Variants in KSR2 observed in about 807,000 individuals in gnomAD.
KSR2 encodes the protein kinase suppressor of ras 2.
KSR2 carries 25 observed loss-of-function variants against 107.8 expected under a neutral mutation model. The ratio of observed to expected loss-of-function variants is 0.23; its 90% CI spans 0.17 to 0.32. KSR2 has a LOEUF of 0.32. Ranked by LOEUF, KSR2 falls within the 10% of genes least tolerant of loss-of-function variation. The pLI is 1.00. For missense variants in KSR2, 887 were observed against 1,268.9 expected (o/e 0.70, Z 4.57); for synonymous variants, 480 against 507.0 (o/e 0.95, Z 0.71).
rs576529468 is a variant in KSR2 at position 117,454,034 on chromosome 12, G to C, written c.*13165C>G. ...AGGACACAAATATCTAAATAAATGG[G>C]TAACACCCACCACCTCGCTATTCTA... On this transcript the variant is annotated 3_prime_UTR_variant, in exon 20 of 20. Transcript: ENST00000339824. 3.5e-4 allele frequency: 54 copies of C among 152,210 alleles called. No homozygotes were observed. The highest frequency in any genetic ancestry group is 1.3e-3 in the African/African-American group (53 of 41,522). 9.4% of individuals were successfully genotyped at this position (152,210 alleles called of 1,614,324 possible). A position where few individuals can be genotyped will look rare whatever the true frequency, so the allele number is the denominator to read the frequency against.
intron 1 of KSR2, among the ~76,000 whole-genome samples, chr12:117,928,370 G>T (rs1273892304): frequency 1.3e-5 from 2 of 152,006 alleles, no homozygotes; most frequent in African/African-American, 4.8e-5. Flanking sequence ...TTTTAGTAGA[G>T]ATGAGGTTTC....
At position 117,667,662 on chromosome 12, in the gene KSR2, A is replaced by G; in HGVS notation, c.987-4T>C. ...GGGTTTGCTCTTCTTCTTGGCTCTGAAAGGGAGACAGAAAAAGAGGAAAAG... is the reference window on the plus strand; with the variant it reads ...GGGTTTGCTCTTCTTCTTGGCTCTGGAAGGGAGACAGAAAAAGAGGAAAAG... On this transcript the variant is annotated splice_region_variant and splice_polypyrimidine_tract_variant and intron_variant, in intron 4 of 19. Transcript: ENST00000339824. 1 of 1,562,404 alleles carries G rather than the reference A, an allele frequency of 6.4e-7. No individual in the cohort carries two copies. Among genetic ancestry groups the G allele is most frequent in the Non-Finnish European group, 8.6e-7 (1 of 1,157,608 alleles).
intron 4 of KSR2, among the ~76,000 whole-genome samples, chr12:117,747,564 A>G (rs1888456409): frequency 6.6e-6 from 1 of 152,046 alleles, no homozygotes; most frequent in Non-Finnish European, 1.5e-5. Context: ...ACAAACCTAC[A>G]CATTCTGCAC....
chr12:117,836,168 C>T (rs1210062275), intron 3 of KSR2, among the ~76,000 whole-genome samples: 9 of 152,120 alleles, frequency 5.9e-5, no homozygotes, highest in Non-Finnish European at 7.3e-5. Flanking sequence ...GGGGTCAGAA[C>T]ACTGTCTTCC....
intron 9 of KSR2, among the ~76,000 whole-genome samples, chr12:117,545,726 G>A (rs542929076): frequency 7.6e-4 from 115 of 152,070 alleles, no homozygotes; most frequent in African/African-American, 2.6e-3. Context: ...TATTTTTCCT[G>A]CCTTCCTGTG....
At chr12:117,480,404 C>G (rs1021823338) in intron 16 of KSR2, among the ~76,000 whole-genome samples, 1 of 152,088 alleles carries the variant, frequency 6.6e-6, no homozygotes, top group African/African-American at 2.4e-5. Context: ...ATGGGCCCAC[C>G]GATGACAAAC....
At chr12:117,664,354 C>T (rs1290927550) in intron 5 of KSR2, among the ~76,000 whole-genome samples, 1 of 152,176 alleles carries the variant, frequency 6.6e-6, no homozygotes, top group Non-Finnish European at 1.5e-5. Context: ...ACAGTGCAGA[C>T]CAGAGCCAGA....
chr12:117,593,144 C>T (rs1439523182), intron 5 of KSR2, among the ~76,000 whole-genome samples: 1 of 152,140 alleles, frequency 6.6e-6, no homozygotes, highest in Non-Finnish European at 1.5e-5. Flanking sequence ...GCCATCTCAA[C>T]CCACATAGAT....
At chr12:117,618,206 A>G (rs990809768) in intron 5 of KSR2, among the ~76,000 whole-genome samples, 1 of 152,156 alleles carries the variant, frequency 6.6e-6, no homozygotes, top group African/African-American at 2.4e-5. Flanking sequence ...TCAAGGATTG[A>G]GCAGATTTGA....
At chr12:117,879,843 G>T (rs535996124) in intron 1 of KSR2, among the ~76,000 whole-genome samples, 1 of 152,232 alleles carries the variant, frequency 6.6e-6, no homozygotes, top group Non-Finnish European at 1.5e-5. Context: ...ATACCTGATT[G>T]CTGGATTTTG....
intron 5 of KSR2, among the ~76,000 whole-genome samples, chr12:117,665,506 C>T (rs1425830080): frequency 6.6e-6 from 1 of 152,126 alleles, no homozygotes; most frequent in African/African-American, 2.4e-5. Flanking sequence ...AGGCAGTCAC[C>T]CAGAGTCATG....
chr12:117,730,793 G>C (rs895581366), intron 4 of KSR2, among the ~76,000 whole-genome samples: 1 of 152,196 alleles, frequency 6.6e-6, no homozygotes, highest in African/African-American at 2.4e-5. Context: ...TGCAGACGGA[G>C]TCTCGCTCAC....
intron 5 of KSR2, among the ~76,000 whole-genome samples, chr12:117,608,189 A>G (rs905311896): frequency 2.6e-5 from 4 of 152,246 alleles, no homozygotes; most frequent in African/African-American, 9.6e-5. Flanking sequence ...CAGCAGAGCC[A>G]AAAATAGTAT....
intron 4 of KSR2, among the ~76,000 whole-genome samples, chr12:117,760,466 T>C (rs6490152): frequency 0.35 from 52,671 of 152,106 alleles, 10,090 homozygotes; most frequent in African/African-American, 0.52. Context: ...ATTATAATTT[T>C]GATATATTGG....
chr12:117,953,826 G>A (rs1394018803), intron 1 of KSR2, among the ~76,000 whole-genome samples: 1 of 152,192 alleles, frequency 6.6e-6, no homozygotes, highest in Non-Finnish European at 1.5e-5. Flanking sequence ...AGTGACTCAT[G>A]CCTGTAATTC....
At chr12:117,923,858 G>C (rs951395652) in intron 1 of KSR2, among the ~76,000 whole-genome samples, 1 of 150,760 alleles carries the variant, frequency 6.6e-6, no homozygotes, top group Non-Finnish European at 1.5e-5. Flanking sequence ...TAACAAAGGA[G>C]TTGACATTAA....
chr12:117,808,782 C>A (rs1593258591), intron 3 of KSR2, among the ~76,000 whole-genome samples: 6 of 152,296 alleles, frequency 3.9e-5, no homozygotes, highest in Non-Finnish European at 5.9e-5. Context: ...GGCTAGCTGA[C>A]CACAAGCTCC....
chr12:117,591,511 G>C (rs935909029), intron 5 of KSR2, among the ~76,000 whole-genome samples: 1 of 152,130 alleles, frequency 6.6e-6, no homozygotes, highest in Non-Finnish European at 1.5e-5. Flanking sequence ...TGCCCTGCTA[G>C]GAGTGTCTCC....
chr12:117,557,101 G>C (rs1294224100), intron 8 of KSR2, among the ~76,000 whole-genome samples: 1 of 152,118 alleles, frequency 6.6e-6, no homozygotes, highest in Non-Finnish European at 1.5e-5. Flanking sequence ...GGAGGCAGAG[G>C]TTGCAGTGAG....
Sources: gnomAD v4.1 joint callset for allele counts (sites outside exome capture counted in the v4.1 genomes callset) on GRCh38, gnomAD v4.1.1 for gene constraint, MANE v1.5 for transcripts, NCBI Gene and HGNC (gene_info 2026-07-23, HGNC 2026-07-21) for gene names.